Variants in SPATA13 observed in about 807,000 individuals in gnomAD.
SPATA13 encodes the protein spermatogenesis-associated protein 13.
In SPATA13, 50 loss-of-function variants were observed where a neutral mutation model predicts 104.0. That is an observed-to-expected ratio of 0.48 (90% CI 0.38 to 0.61). The LOEUF is 0.61. Among genes scored for constraint, SPATA13 ranks in the 20% least tolerant of loss-of-function variants. SPATA13 has a pLI of 0.00. For missense variants in SPATA13, 1,524 were observed against 1,690.6 expected, an observed-to-expected ratio of 0.90 and a Z score of 1.73; for synonymous variants, 606 against 667.5, an observed-to-expected ratio of 0.91 and a Z score of 1.42.
intron 3 of SPATA13, among the ~76,000 whole-genome samples, chr13:24,128,191 G>A (rs1881280945): frequency 6.6e-6 from 1 of 152,184 alleles, no homozygotes; most frequent in Non-Finnish European, 1.5e-5. Flanking sequence ...GACTGTCCCA[G>A]AATCGAGCCC....
chr13:24,013,687 AC>A (rs1876579907), intron 2 of SPATA13, among the ~76,000 whole-genome samples: 1 of 147,646 alleles, frequency 6.8e-6, no homozygotes, highest in Non-Finnish European at 1.5e-5. Flanking sequence ...CTTGTCCCTT[AC>A]AGTCTTTTTT....
At position 24,076,383 on chromosome 13, in the gene SPATA13, G is replaced by A. The variant is rs113273742; in HGVS notation, c.-112+58682G>A. On this transcript the variant is annotated intron_variant, in intron 3 of 14. Coordinates refer to the SPATA13 transcript ENST00000424834. Reference sequence around the variant, plus strand: ...GATGATGAAATAAATCAATGGGAAAGCACATCTGCAACTGGGCAAGGACGA... The same window carrying A: ...GATGATGAAATAAATCAATGGGAAAACACATCTGCAACTGGGCAAGGACGA... Among the ~76,000 whole-genome samples, 1,246 of 152,282 alleles carry A rather than the reference G, an allele frequency of 8.2e-3. 19 individuals are homozygous for A. Among genetic ancestry groups the A allele is most frequent in the African/African-American group, 0.029 (1,185 of 41,532 alleles).
chr13:24,299,442 T>C (rs1348279660), intron 11 of SPATA13, among the ~76,000 whole-genome samples: 2 of 152,162 alleles, frequency 1.3e-5, no homozygotes, highest in South Asian at 2.1e-4. Context: ...ACTTGATGCA[T>C]GTGTGTGGGT....
intron 4 of SPATA13, among the ~76,000 whole-genome samples, chr13:24,254,918 A>G (rs1873707417): frequency 6.6e-6 from 1 of 151,984 alleles, no homozygotes. Flanking sequence ...TGTCCACATG[A>G]TGATTGATTA....
chr13:24,179,060 C>G (rs1055387758), intron 1 of SPATA13, among the ~76,000 whole-genome samples: 10 of 152,170 alleles, frequency 6.6e-5, no homozygotes, highest in Admixed American at 5.2e-4. Context: ...GCTTCTTTCA[C>G]AGCTTAATGT....
intron 3 of SPATA13, among the ~76,000 whole-genome samples, chr13:24,044,715 G>C (rs148059662): frequency 6.6e-6 from 1 of 151,824 alleles, no homozygotes; most frequent in South Asian, 2.1e-4. Context: ...GAAATATACA[G>C]TACATTATTG....
chr13:24,242,893 A>G (rs888453312), intron 2 of SPATA13, among the ~76,000 whole-genome samples: 7 of 152,218 alleles, frequency 4.6e-5, no homozygotes, highest in Non-Finnish European at 7.3e-5. Context: ...AAACAGGCCT[A>G]TGCAGGGTAT....
At chr13:24,085,382 C>T (rs535733342) in intron 3 of SPATA13, among the ~76,000 whole-genome samples, 1 of 152,298 alleles carries the variant, frequency 6.6e-6, no homozygotes, top group South Asian at 2.1e-4. Context: ...CCACCTCAGC[C>T]TCCAAAAGTG....
intron 1 of SPATA13, among the ~76,000 whole-genome samples, chr13:24,175,936 C>T (rs1375278452): frequency 6.6e-6 from 1 of 152,134 alleles, no homozygotes; most frequent in Non-Finnish European, 1.5e-5. Context: ...ATTTGAAAAG[C>T]GATAGTTAAA....
At chr13:24,283,601 A>T (rs894740499) in intron 4 of SPATA13, among the ~76,000 whole-genome samples, 1 of 152,216 alleles carries the variant, frequency 6.6e-6, no homozygotes, top group Admixed American at 6.5e-5. Flanking sequence ...TAAAAGTACT[A>T]TATAATTCCT....
Position 24,304,399 on chromosome 13 carries a change from TG to T in SPATA13, c.*1627del, listed in dbSNP as rs1172109862. 1 of 152,130 alleles carries T rather than the reference TG, an allele frequency of 6.6e-6. No individual in the cohort carries two copies. The highest frequency in any genetic ancestry group is 2.4e-5 in the African/African-American group (1 of 41,426). The allele number at this position is 152,130 out of a possible 1,614,324, so 9.4% of individuals were successfully genotyped here. A position where few individuals can be genotyped will look rare whatever the true frequency, so the allele number is the denominator to read the frequency against. On this transcript the variant is annotated 3_prime_UTR_variant, in exon 13 of 13. Coordinates refer to ENST00000382108, the MANE Select transcript of SPATA13 (RefSeq NM_001166271.3). ...GCTCAGTGCCCTGGACAGGAGATGCTGTGTTAAACTGTTAATGGATATCTAT... is the reference window on the plus strand; with the variant it reads ...GCTCAGTGCCCTGGACAGGAGATGCTTGTTAAACTGTTAATGGATATCTAT...
intron 2 of SPATA13, among the ~76,000 whole-genome samples, chr13:24,235,979 A>AG (rs1356605006): frequency 1.3e-5 from 2 of 152,182 alleles, no homozygotes; most frequent in East Asian, 3.9e-4. Context: ...TTTCACAGCC[A>AG]CTTGTGACAT....
chr13:24,259,994 C>A (rs1873977643), intron 4 of SPATA13, among the ~76,000 whole-genome samples: 1 of 152,080 alleles, frequency 6.6e-6, no homozygotes, highest in Non-Finnish European at 1.5e-5. Context: ...TGATTTCGAT[C>A]CATTTAACAA....
intron 1 of SPATA13, among the ~76,000 whole-genome samples, chr13:24,163,185 C>T (rs4770612): frequency 0.88 from 134,397 of 152,122 alleles, 60,650 homozygotes; most frequent in East Asian, 0.99. Flanking sequence ...TTGCTTGAGC[C>T]CAGGAGTTCA....
intron 3 of SPATA13, among the ~76,000 whole-genome samples, chr13:24,110,042 T>C (rs932904805): frequency 1.3e-5 from 2 of 149,698 alleles, no homozygotes; most frequent in African/African-American, 5.0e-5. Flanking sequence ...GAATTGCAAA[T>C]TTGGCAGCGG....
chr13:23,993,693 G>A (rs565627847), intron 2 of SPATA13, among the ~76,000 whole-genome samples: 3 of 152,292 alleles, frequency 2.0e-5, no homozygotes, highest in South Asian at 2.1e-4. Context: ...ACCTAGGAAA[G>A]CCCATCCTTT....
At position 24,245,729 on chromosome 13, in the gene SPATA13, C is replaced by T. The variant is rs539153218; in HGVS notation, c.1654-3748C>T. On this transcript the variant is annotated intron_variant, in intron 2 of 12. Transcript: ENST00000382108. ...GCCTCGGCCTCCCAAGTAGCTGGGA[C>T]GACAGGCACATAAAACCGTGCCCTG... Among the ~76,000 whole-genome samples, 79 of 151,178 alleles carry T rather than the reference C, an allele frequency of 5.2e-4. 1 individual carries two copies. The highest frequency in any genetic ancestry group is 3.4e-3 in the Middle Eastern group (1 of 292).
chr13:24,200,832 A>G (rs926635840), intron 1 of SPATA13, among the ~76,000 whole-genome samples: 33 of 152,042 alleles, frequency 2.2e-4, no homozygotes, highest in Admixed American at 5.9e-4. Flanking sequence ...AAACAAACCA[A>G]AAAACCCCAC....
intron 3 of SPATA13, among the ~76,000 whole-genome samples, chr13:24,114,450 T>A (rs2137816793): frequency 1.3e-5 from 2 of 151,326 alleles, no homozygotes; most frequent in Middle Eastern, 3.4e-3. Context: ...GACTACTTGG[T>A]GAGCAGGAAA....
Sources: allele counts gnomAD v4.1 joint callset (sites outside exome capture counted in the v4.1 genomes callset), GRCh38; gene constraint gnomAD v4.1.1; transcripts MANE v1.5; gene names NCBI Gene and HGNC (gene_info 2026-07-23, HGNC 2026-07-21).